IKZF2: variants seen among roughly 807,000 people sequenced by gnomAD.
The protein encoded by IKZF2 is zinc finger protein Helios.
A neutral mutation model predicts 49.2 loss-of-function variants in IKZF2; 15 were observed. The observed-to-expected ratio is 0.30, with a 90% CI of 0.20 to 0.47. The LOEUF is 0.47. Among genes scored for constraint, IKZF2 ranks in the 20% least tolerant of loss-of-function variants. The pLI is 1.00. For missense variants in IKZF2, 567 were observed against 664.6 expected (o/e 0.85, Z 1.61); for synonymous variants, 227 against 221.4 (o/e 1.03, Z -0.23).
At chr2:213,072,579 C>T (rs1398032427) in intron 4 of IKZF2, among the ~76,000 whole-genome samples, 1 of 152,084 alleles carries the variant, frequency 6.6e-6, no homozygotes. Context: ...TTTCTACATA[C>T]TGACTTTAGT....
chr2:213,040,243 GTT>G (rs34629514), intron 6 of IKZF2, among the ~76,000 whole-genome samples: 64,815 of 141,400 alleles, frequency 0.46, 16,879 homozygotes, highest in East Asian at 0.75. Flanking sequence ...TGTGTCATGG[GTT>G]TTTTTTTTTT....
chr2:213,032,055 G>A (rs1168434945), intron 6 of IKZF2, among the ~76,000 whole-genome samples: 1 of 151,940 alleles, frequency 6.6e-6, no homozygotes, highest in Non-Finnish European at 1.5e-5. Context: ...GCCAGGAGAT[G>A]GTACAGTAAA....
intron 4 of IKZF2, among the ~76,000 whole-genome samples, chr2:213,124,252 GCACACACACACACACACACACACACACA>G (rs66958263): frequency 0.014 from 1,870 of 136,326 alleles, 41 homozygotes; most frequent in African/African-American, 0.047. Context: ...GCGCGCGCGC[GCACACACACACACACACACACACACACA>G]CACACACACA....
At chr2:213,148,105 T>C (rs906597499) in intron 3 of IKZF2, among the ~76,000 whole-genome samples, 1 of 152,238 alleles carries the variant, frequency 6.6e-6, no homozygotes, top group Non-Finnish European at 1.5e-5. Flanking sequence ...TCTTTTAACA[T>C]CTAATTTAAT....
intron 4 of IKZF2, among the ~76,000 whole-genome samples, chr2:213,086,021 A>G (rs1488073430): frequency 6.6e-6 from 1 of 152,186 alleles, no homozygotes; most frequent in East Asian, 1.9e-4. Flanking sequence ...AATAATTGCT[A>G]ACCCAAACTG....
At chr2:213,122,084 G>T (rs1184869505) in intron 4 of IKZF2, among the ~76,000 whole-genome samples, 1 of 152,156 alleles carries the variant, frequency 6.6e-6, no homozygotes, top group Non-Finnish European at 1.5e-5. Context: ...TAGAGGAAAA[G>T]AAAAGACAGA....
intron 4 of IKZF2, among the ~76,000 whole-genome samples, chr2:213,082,185 G>GT (rs1490355040): frequency 2.6e-5 from 4 of 152,222 alleles, no homozygotes; most frequent in African/African-American, 9.6e-5. Context: ...TGTTAAAACA[G>GT]TTTTTCATGA....
chr2:213,095,305 T>A (rs573023234), intron 4 of IKZF2, among the ~76,000 whole-genome samples: 69 of 152,084 alleles, frequency 4.5e-4, no homozygotes, highest in Non-Finnish European at 7.1e-4. Context: ...ACTAAATAAA[T>A]CATTTTTAAA....
At chr2:213,029,154 G>C (rs1574538556) in intron 6 of IKZF2, among the ~76,000 whole-genome samples, 1 of 151,956 alleles carries the variant, frequency 6.6e-6, no homozygotes, top group South Asian at 2.1e-4. Context: ...TGATTTTGGT[G>C]TCAGAGTAAT....
chr2:213,122,533 T>A (rs1389106695), intron 4 of IKZF2, among the ~76,000 whole-genome samples: 1 of 152,224 alleles, frequency 6.6e-6, no homozygotes, highest in Non-Finnish European at 1.5e-5. Context: ...ATAACTATTT[T>A]AAAAATAAAT....
intron 7 of IKZF2, among the ~76,000 whole-genome samples, chr2:213,015,911 C>G (rs531596019): frequency 2.0e-5 from 3 of 151,972 alleles, no homozygotes; most frequent in African/African-American, 7.2e-5. Flanking sequence ...CTAAGTTTCA[C>G]CCTGAATTTT....
At position 213,087,651 on chromosome 2, in the gene IKZF2, C is replaced by T. The variant is rs137952500; in HGVS notation, c.140-30552G>A. Among the ~76,000 whole-genome samples the T allele has an allele frequency of 1.4e-3, 207 of 152,226 alleles. 2 individuals carry two copies. The East Asian group carries it at 0.038, about 28-fold the overall frequency. On this transcript the variant is annotated intron_variant, in intron 4 of 8. Transcript: ENST00000434687. The stretch of plus-strand genomic sequence containing the variant: ...TAATGCTATCCCTCTACCCTCCCCA[C>T]TCCCTGCACCCCATGACAGGCCCCA...
intron 4 of IKZF2, among the ~76,000 whole-genome samples, chr2:213,141,881 C>CTTAT (rs2060888127): frequency 6.6e-6 from 1 of 151,932 alleles, no homozygotes; most frequent in Non-Finnish European, 1.5e-5. Context: ...AATTGAACAG[C>CTTAT]AAAATGTCAA....
At chr2:213,093,156 A>T (rs973405466) in intron 4 of IKZF2, among the ~76,000 whole-genome samples, 4 of 152,182 alleles carry the variant, frequency 2.6e-5, no homozygotes, top group African/African-American at 9.7e-5. Flanking sequence ...AAAAATCATA[A>T]ATCAAATTCT....
At chr2:213,113,258 T>G (rs2059771273) in intron 4 of IKZF2, among the ~76,000 whole-genome samples, 1 of 152,196 alleles carries the variant, frequency 6.6e-6, no homozygotes, top group Non-Finnish European at 1.5e-5. Flanking sequence ...TTGATAACAC[T>G]AAGAGACTTA....
At chr2:213,147,679 CA>C (rs1491528478) in intron 4 of IKZF2, 28 bp downstream of exon 4, 14 of 1,460,480 alleles carry the variant, frequency 9.6e-6, no homozygotes, top group South Asian at 1.2e-5. Flanking sequence ...CACACACACA[CA>C]AAAAAAAATC....
intron 4 of IKZF2, among the ~76,000 whole-genome samples, chr2:213,117,991 T>C (rs1003766027): frequency 2.6e-5 from 4 of 152,306 alleles, no homozygotes; most frequent in African/African-American, 7.2e-5. Flanking sequence ...ACAACATGCA[T>C]AGATTCTTAT....
chr2:213,083,957 C>G (rs558071920), intron 4 of IKZF2, among the ~76,000 whole-genome samples: 24 of 152,026 alleles, frequency 1.6e-4, no homozygotes, highest in Non-Finnish European at 1.0e-4. Context: ...TGAATCATCC[C>G]GAAACCATCC....
At chr2:213,136,446 T>C (rs2125923989) in intron 4 of IKZF2, among the ~76,000 whole-genome samples, 1 of 151,608 alleles carries the variant, frequency 6.6e-6, no homozygotes, top group South Asian at 2.1e-4. Flanking sequence ...AAATACCTTA[T>C]ATTTTGACTA....
Sources: allele counts gnomAD v4.1 joint callset (sites outside exome capture counted in the v4.1 genomes callset), GRCh38; gene constraint gnomAD v4.1.1; transcripts MANE v1.5; gene names NCBI Gene and HGNC (gene_info 2026-07-23, HGNC 2026-07-21).